Variants in CLTCL1 observed in about 807,000 individuals in gnomAD.
CLTCL1 encodes the protein clathrin heavy chain like 1, also known as clathrin heavy chain 2.
CLTCL1 carries 159 observed loss-of-function variants against 190.0 expected under a neutral mutation model. The ratio of observed to expected loss-of-function variants is 0.84; its 90% CI spans 0.74 to 0.95. The LOEUF (loss-of-function observed/expected upper bound fraction) is 0.95. Ranked by LOEUF, CLTCL1 falls within the 40% of genes least tolerant of loss-of-function variation. CLTCL1 has a pLI of 0.00. For synonymous variants in CLTCL1, 752 were observed against 769.6 expected, an observed-to-expected ratio of 0.98 and a Z score of 0.38; for missense variants, 1,878 against 2,033.4, an observed-to-expected ratio of 0.92 and a Z score of 1.47.
intron 11 of CLTCL1, among the ~76,000 whole-genome samples, chr22:19,227,579 C>T (rs1468292906): frequency 6.6e-6 from 1 of 151,950 alleles, no homozygotes; most frequent in East Asian, 1.9e-4. Flanking sequence ...CTCAGCCTCC[C>T]AAGTAGCTGG....
rs984338529 is a variant in CLTCL1, at chr22:19,291,484, C to T, written c.42+116G>A. On this transcript the variant is annotated intron_variant, in intron 1 of 32. Transcript: ENST00000427926. Reference sequence around the variant, plus strand: ...CCAGCCCAGGTGGGAGGTCGGAAATCGGCGCGGCCAGCTGGGCAGCGGCTC... The same window carrying T: ...CCAGCCCAGGTGGGAGGTCGGAAATTGGCGCGGCCAGCTGGGCAGCGGCTC... 3.8e-5 allele frequency: 39 copies of T among 1,033,472 alleles called. 1 individual carries two copies. The highest frequency in any genetic ancestry group is 3.5e-4 in the Middle Eastern group (1 of 2,844). The allele number at this position is 1,033,472 out of a possible 1,614,324, so 64.0% of individuals were successfully genotyped here.
chr22:19,267,794 C>T (rs925246917), intron 2 of CLTCL1, among the ~76,000 whole-genome samples: 1 of 151,894 alleles, frequency 6.6e-6, no homozygotes, highest in Non-Finnish European at 1.5e-5. Flanking sequence ...ACTTGGAAGG[C>T]TGAGGCAGGA....
intron 5 of CLTCL1, chr22:19,238,631 G>A (rs1555963450): frequency 5.0e-6 from 1 of 200,902 alleles, no homozygotes; most frequent in Admixed American, 4.6e-5. Flanking sequence ...AGTCTGGCTA[G>A]GCACATGCCA....
chr22:19,211,139 A>G (rs569634540), intron 19 of CLTCL1, among the ~76,000 whole-genome samples: 3 of 152,348 alleles, frequency 2.0e-5, no homozygotes, highest in Admixed American at 6.5e-5. Context: ...AACACACCAC[A>G]TATCAATAAT....
At chr22:19,194,872 TCCTCCTA>T (rs1231989879) in intron 26 of CLTCL1, among the ~76,000 whole-genome samples, 1 of 152,152 alleles carries the variant, frequency 6.6e-6, no homozygotes, top group Non-Finnish European at 1.5e-5. Flanking sequence ...CTGGCGAGTA[TCCTCCTA>T]CCCCCTTCAC....
chr22:19,241,867 C>T (rs1030571580), intron 4 of CLTCL1, among the ~76,000 whole-genome samples: 6 of 152,120 alleles, frequency 3.9e-5, no homozygotes, highest in Non-Finnish European at 7.3e-5. Flanking sequence ...AAGAACCATG[C>T]TAATGGCAAG....
At chr22:19,224,513 A>C (rs2085677622) in intron 13 of CLTCL1, among the ~76,000 whole-genome samples, 1 of 152,168 alleles carries the variant, frequency 6.6e-6, no homozygotes, top group South Asian at 2.1e-4. Context: ...TGAGCCCCAG[A>C]GGACAGCATT....
At chr22:19,278,860 G>A in intron 1 of CLTCL1, among the ~76,000 whole-genome samples, 1 of 152,258 alleles carries the variant, frequency 6.6e-6, no homozygotes, top group South Asian at 2.1e-4. Flanking sequence ...TCCAGCCTCA[G>A]CCTCCTGGGT....
chr22:19,243,838 T>G (rs947184840), intron 3 of CLTCL1, among the ~76,000 whole-genome samples: 1 of 151,352 alleles, frequency 6.6e-6, no homozygotes, highest in Non-Finnish European at 1.5e-5. Context: ...GCTGGGACTA[T>G]AGGCGCCCGC....
At chr22:19,201,963 CACAAGA>C (rs2084901466) in intron 22 of CLTCL1, among the ~76,000 whole-genome samples, 1 of 152,090 alleles carries the variant, frequency 6.6e-6, no homozygotes, top group African/African-American at 2.4e-5. Flanking sequence ...TTGTTCTTCT[CACAAGA>C]ACAAGTCACT....
intron 1 of CLTCL1, among the ~76,000 whole-genome samples, chr22:19,277,025 A>T (rs140706332): frequency 1.4e-3 from 215 of 152,264 alleles, no homozygotes; most frequent in Middle Eastern, 6.8e-3. Flanking sequence ...ACTGCTACTG[A>T]TTGGACCACT....
chr22:19,208,179 CCATTAATAAAATCTTCTAGCTCAGAAA>C lies in CLTCL1; in HGVS notation c.3548_3574del (p.Val1183_Asn1191del), dbSNP rs782177028. On this transcript the variant is annotated inframe_deletion, in exon 22 of 33. Transcript: ENST00000427926. ...CTGCTGGATGTGGGCATTGTTGGGT[CCATTAATAAAATCTTCTAGCTCAGAAA>C]CACGGCTGGTTTTAGCCAAGGCAAA... The C allele has an allele frequency of 1.2e-6, 2 of 1,613,708 alleles. No homozygotes were observed.
chr22:19,210,192 A>C, intron 20 of CLTCL1, 134 bp downstream of exon 20: 1 of 794,276 alleles, frequency 1.3e-6, no homozygotes, highest in Non-Finnish European at 1.9e-6. Flanking sequence ...CTGGTGAGGA[A>C]CAGAGAAGAG....
intron 2 of CLTCL1, among the ~76,000 whole-genome samples, chr22:19,264,269 C>T (rs2518836): frequency 0.059 from 8,917 of 150,402 alleles, 327 homozygotes; most frequent in Middle Eastern, 0.16. Flanking sequence ...AAAATGGCTA[C>T]CATTAAAAAG....
chr22:19,211,847 C>CA (rs201249710), intron 19 of CLTCL1, among the ~76,000 whole-genome samples: 12,128 of 102,452 alleles, frequency 0.12, 666 homozygotes, highest in South Asian at 0.22. Context: ...AAGAAATCTA[C>CA]AAAAAAAAAA....
chr22:19,270,984 T>TAAAAGGACCAA (rs2087297024), intron 2 of CLTCL1, among the ~76,000 whole-genome samples: 1 of 151,642 alleles, frequency 6.6e-6, no homozygotes, highest in Admixed American at 6.6e-5. Context: ...TCAGCATCAC[T>TAAAAGGACCAA]AAAAGGACCA....
At chr22:19,279,869 C>A (rs1407783099) in intron 1 of CLTCL1, among the ~76,000 whole-genome samples, 3 of 152,180 alleles carry the variant, frequency 2.0e-5, no homozygotes, top group African/African-American at 7.2e-5. Context: ...ACAAAAGACT[C>A]TTGGAATGAG....
At chr22:19,194,599 G>A (rs1555934459) in intron 26 of CLTCL1, among the ~76,000 whole-genome samples, 1 of 152,246 alleles carries the variant, frequency 6.6e-6, no homozygotes, top group East Asian at 1.9e-4. Context: ...GCGCCCACCG[G>A]ATGCCAGGCA....
intron 20 of CLTCL1, among the ~76,000 whole-genome samples, chr22:19,209,690 A>G (rs1555945340): frequency 6.6e-6 from 1 of 152,220 alleles, no homozygotes; most frequent in Non-Finnish European, 1.5e-5. Flanking sequence ...AGGTATAGAA[A>G]TAAGGTAAAG....
Sources: gnomAD v4.1 joint callset for allele counts (sites outside exome capture counted in the v4.1 genomes callset) on GRCh38, gnomAD v4.1.1 for gene constraint, MANE v1.5 for transcripts, NCBI Gene and HGNC (gene_info 2026-07-23, HGNC 2026-07-21) for gene names.